The following MCPH1 variants were observed in gnomAD, a reference collection of about 807,000 sequenced individuals.
The protein encoded by MCPH1 is microcephalin.
Under a neutral mutation model 84.5 loss-of-function variants are expected in MCPH1, and 104 were observed. The observed-to-expected ratio is 1.23, with a 90% CI of 1.05 to 1.45. The LOEUF (loss-of-function observed/expected upper bound fraction) is 1.45. Ranked by LOEUF, MCPH1 falls within the 40% of genes most tolerant of loss-of-function variation. The pLI, the probability that MCPH1 is intolerant of heterozygous loss-of-function variation, is 0.00. For missense variants in MCPH1, 1,498 were observed against 1,005.7 expected (o/e 1.49, Z -6.62); for synonymous variants, 514 against 366.8 (o/e 1.40, Z -4.58).
At chr8:6,469,124 G>T (rs950936905) in intron 9 of MCPH1, among the ~76,000 whole-genome samples, 1 of 152,066 alleles carries the variant, frequency 6.6e-6, no homozygotes, top group African/African-American at 2.4e-5. Context: ...AGGCTGCTCT[G>T]AGCCGTGATT....
rs371319484 is a variant in MCPH1 at position 6,503,307 on chromosome 8, G to T, written c.2214+3378G>T. 5 of 1,606,324 alleles carry T rather than the reference G, an allele frequency of 3.1e-6. No homozygotes were observed. In the African/African-American group the frequency reaches 5.3e-5, roughly 17 times the overall value. ...AGGAATTAGGAACTAGGTGATGCCA[G>T]CTCCCACCACGAAGACAGCAATACT... On this transcript the variant is annotated intron_variant, in intron 12 of 13. Transcript: ENST00000344683.
chr8:6,609,048 C>A (rs1429636104), intron 12 of MCPH1, among the ~76,000 whole-genome samples: 3 of 152,176 alleles, frequency 2.0e-5, no homozygotes, highest in Non-Finnish European at 4.4e-5. Context: ...GCCTAAAACC[C>A]CAACTTTCAA....
intron 13 of MCPH1, chr8:6,642,671 A>G (rs1459217994): frequency 6.9e-6 from 3 of 432,138 alleles, no homozygotes; most frequent in East Asian, 5.0e-5. Context: ...CTTGGCTCCT[A>G]TGTCACAGAC....
At chr8:6,453,543 A>G (rs1209684610) in intron 8 of MCPH1, among the ~76,000 whole-genome samples, 2 of 152,174 alleles carry the variant, frequency 1.3e-5, no homozygotes, top group African/African-American at 4.8e-5. Flanking sequence ...TTTATTGAAT[A>G]CACTAGGAAG....
chr8:6,584,021 A>C (rs1388177212), intron 12 of MCPH1, among the ~76,000 whole-genome samples: 2 of 152,092 alleles, frequency 1.3e-5, no homozygotes, highest in Non-Finnish European at 2.9e-5. Flanking sequence ...TGACGCACGC[A>C]TGGGTTTTCT....
intron 13 of MCPH1, chr8:6,626,139 G>C: frequency 1.0e-6 from 1 of 985,364 alleles, no homozygotes; most frequent in Non-Finnish European, 1.2e-6. Context: ...TTACTTGTAA[G>C]AATTTCTTTC....
intron 3 of MCPH1, among the ~76,000 whole-genome samples, chr8:6,415,948 TC>T (rs1423656059): frequency 6.6e-6 from 1 of 152,218 alleles, no homozygotes; most frequent in Non-Finnish European, 1.5e-5. Context: ...GGGATGTGTT[TC>T]TTTTTCAGGT....
At position 6,640,085 on chromosome 8, in the gene MCPH1, TGTGTGTGTGTGTGC is replaced by T. The variant is rs1221181508; in HGVS notation, c.2453-2907_2453-2894del. On this transcript the variant is annotated intron_variant, in intron 13 of 13. Coordinates refer to ENST00000344683, the MANE Select transcript of MCPH1 (RefSeq NM_024596.5). ...GTGTGTGTGTGTGTGTGTGTGTGTG[TGTGTGTGTGTGTGC>T]GCGCGCGTGTGTGTGTGTGTGCGTG... is the stretch of plus-strand genomic sequence containing the variant. Among the ~76,000 whole-genome samples, 401 of 144,876 alleles carry T rather than the reference TGTGTGTGTGTGTGC, an allele frequency of 2.8e-3. 2 individuals are homozygous for T. The highest frequency in any genetic ancestry group is 0.01 in the African/African-American group (373 of 36,920).
At position 6,569,479 on chromosome 8, in the gene MCPH1, T is replaced by C. The variant is rs1208038579; in HGVS notation, c.2215-51975T>C. Among the ~76,000 whole-genome samples, 19 of 152,208 alleles carry C rather than the reference T, an allele frequency of 1.2e-4. 1 individual carries two copies. The highest frequency in any genetic ancestry group is 1.2e-3 in the Admixed American group (19 of 15,280). ...GACTTTGGAATGCGAGGAAGGACAG[T>C]TCCAGCCATGGGATTTCAAAAAAGT... On this transcript the variant is annotated intron_variant, in intron 12 of 13. Transcript: ENST00000344683.
chr8:6,564,289 T>C (rs1045987564), intron 12 of MCPH1, among the ~76,000 whole-genome samples: 1 of 152,192 alleles, frequency 6.6e-6, no homozygotes, highest in Non-Finnish European at 1.5e-5. Context: ...CAAACTTCTT[T>C]ATTGTGTCAG....
chr8:6,444,318 A>C, intron 7 of MCPH1, 75 bp from the exon 8 acceptor site: 3 of 1,554,656 alleles, frequency 1.9e-6, no homozygotes, highest in Non-Finnish European at 8.8e-7. Context: ...AAGTTGTTTT[A>C]TTGGTCAACT....
At chr8:6,541,072 C>T (rs1434966622) in intron 12 of MCPH1, among the ~76,000 whole-genome samples, 1 of 152,206 alleles carries the variant, frequency 6.6e-6, no homozygotes, top group Non-Finnish European at 1.5e-5. Flanking sequence ...AGCTTGGAGC[C>T]AACGTCCCTA....
At chr8:6,611,802 C>G (rs7461371) in intron 12 of MCPH1, among the ~76,000 whole-genome samples, 1 of 151,820 alleles carries the variant, frequency 6.6e-6, no homozygotes, top group African/African-American at 2.4e-5. Context: ...GTATTTTTAG[C>G]GGAGACGGGG....
At chr8:6,479,962 G>C (rs184570101) in intron 10 of MCPH1, among the ~76,000 whole-genome samples, 17 of 152,018 alleles carry the variant, frequency 1.1e-4, no homozygotes, top group Non-Finnish European at 1.9e-4. Flanking sequence ...ACTATGTGTT[G>C]ATACTCAATA....
chr8:6,618,445 T>C (rs1014052048), intron 12 of MCPH1: 1 of 152,268 alleles, frequency 6.6e-6, no homozygotes, highest in Non-Finnish European at 1.5e-5. Context: ...TTTCCTTTTC[T>C]ACTGCATTAC....
intron 12 of MCPH1, among the ~76,000 whole-genome samples, chr8:6,524,561 C>T (rs1214837330): frequency 1.3e-5 from 2 of 152,224 alleles, no homozygotes; most frequent in African/African-American, 4.8e-5. Context: ...CAGATCACGT[C>T]TTACCTTCCG....
At chr8:6,619,684 ACAC>A (rs1028271006) in intron 12 of MCPH1, among the ~76,000 whole-genome samples, 19 of 152,016 alleles carry the variant, frequency 1.2e-4, no homozygotes, top group African/African-American at 3.9e-4. Flanking sequence ...TCCCGGGTTC[ACAC>A]CATTCTCCTG....
At chr8:6,447,868 A>G (rs1804633332) in intron 8 of MCPH1, among the ~76,000 whole-genome samples, 1 of 152,082 alleles carries the variant, frequency 6.6e-6, no homozygotes, top group Non-Finnish European at 1.5e-5. Flanking sequence ...GTTTTCTAAA[A>G]TCTTTAAAAT....
chr8:6,558,181 A>G (rs1042088482), intron 12 of MCPH1, among the ~76,000 whole-genome samples: 13 of 152,214 alleles, frequency 8.5e-5, no homozygotes, highest in African/African-American at 3.1e-4. Flanking sequence ...AAAAAGAAGG[A>G]ACGCTGTACA....
Sources: allele counts gnomAD v4.1 joint callset (sites outside exome capture counted in the v4.1 genomes callset), GRCh38; gene constraint gnomAD v4.1.1; transcripts MANE v1.5; gene names NCBI Gene and HGNC (gene_info 2026-07-23, HGNC 2026-07-21).